Variants in DKKL1 observed in about 807,000 individuals in gnomAD.
DKKL1 encodes dickkopf like acrosomal protein 1, also known as dickkopf-like protein 1.
In DKKL1, 11 loss-of-function variants were observed where a neutral mutation model predicts 16.5. The ratio of observed to expected loss-of-function variants is 0.67; its 90% CI spans 0.42 to 1.10. The LOEUF (loss-of-function observed/expected upper bound fraction) is 1.10. Ranked by LOEUF, DKKL1 falls within the 50% of genes least tolerant of loss-of-function variation. The pLI, the probability that DKKL1 is intolerant of heterozygous loss-of-function variation, is 0.00. For synonymous variants in DKKL1, 119 were observed against 133.2 expected, an observed-to-expected ratio of 0.89 and a Z score of 0.73; for missense variants, 320 against 308.1, an observed-to-expected ratio of 1.04 and a Z score of -0.29.
rs1973676221 is a variant in DKKL1 at position 49,375,069 on chromosome 19, A to G, written c.*41A>G. ...AGCACCTGCCTGTAGCCCCCATCAG[A>G]CCCTGCCCCAAGCACCATATGGAAA... On this transcript the variant is annotated 3_prime_UTR_variant, in exon 5 of 5. Transcript: ENST00000221498. 2 of 1,541,250 alleles carry G rather than the reference A, an allele frequency of 1.3e-6. No homozygotes were observed. Among genetic ancestry groups the G allele is most frequent in the Non-Finnish European group, 1.7e-6 (2 of 1,145,462 alleles).
Position 49,374,832 on chromosome 19 carries a change from G to T in DKKL1, c.533G>T (p.Arg178Met). The part of the protein sequence containing the change: ...AFWIIKLPRR[R>M]SHQDALEGGH... ...TGGATCATTAAGCTGCCACGGCGGA[G>T]GTCCCACCAGGATGCCCTGGAGGGC... Residue 178 changes from arginine (R) to methionine (M), a missense_variant, in exon 5 of 5, where the codon AGG becomes ATG. By Grantham distance (91) the Arg-to-Met change is moderately conservative. Coordinates refer to ENST00000221498, the MANE Select transcript of DKKL1 (RefSeq NM_014419.4). The T allele has an allele frequency of 6.2e-7, 1 of 1,613,738 alleles. No individual in the cohort carries two copies. The highest frequency in any genetic ancestry group is 8.5e-7 in the Non-Finnish European group (1 of 1,179,846).
At position 49,374,325 on chromosome 19, in the gene DKKL1, C is replaced by T. The variant is rs530286395; in HGVS notation, c.418-392C>T. ...GATTCAGGATCAATGAAGGATCACA[C>T]ATTGCATTTATGGTCATGAGTCTTC... On this transcript the variant is annotated intron_variant, in intron 4 of 4. Transcript: ENST00000221498. 2.0e-5 allele frequency among the ~76,000 whole-genome samples: 3 copies of T among 152,282 alleles called. No individual in the cohort carries two copies. The South Asian group carries it at 6.2e-4, about 32-fold the overall frequency.
At chr19:49,373,923 AACAG>A (rs1973615125) in intron 4 of DKKL1, among the ~76,000 whole-genome samples, 3 of 145,384 alleles carry the variant, frequency 2.1e-5, no homozygotes, top group South Asian at 4.2e-4. Flanking sequence ...GCAAGGACCA[AACAG>A]ACACTCAGTC....
At chr19:49,372,767 C>G (rs1290819690) in intron 4 of DKKL1, among the ~76,000 whole-genome samples, 1 of 151,456 alleles carries the variant, frequency 6.6e-6, no homozygotes, top group African/African-American at 2.4e-5. Flanking sequence ...TTTGGGAGGC[C>G]GAGGCGGGCA....
At chr19:49,374,129 C>T (rs932190427) in intron 4 of DKKL1, among the ~76,000 whole-genome samples, 1 of 152,032 alleles carries the variant, frequency 6.6e-6, no homozygotes, top group Non-Finnish European at 1.5e-5. Flanking sequence ...GGACTACAGG[C>T]GCCCGCAACC....
At chr19:49,365,288 G>A (rs1009127145) in intron 2 of DKKL1, among the ~76,000 whole-genome samples, 1 of 152,174 alleles carries the variant, frequency 6.6e-6, no homozygotes, top group African/African-American at 2.4e-5. Context: ...GATGGGGACA[G>A]AAGAGGAACA....
chr19:49,367,161 G>A (rs899051143), intron 4 of DKKL1, among the ~76,000 whole-genome samples: 4 of 151,724 alleles, frequency 2.6e-5, no homozygotes, highest in Admixed American at 2.6e-4. Context: ...CAAGTAGATG[G>A]GACTACAAGT....
upstream of DKKL1, among the ~76,000 whole-genome samples, chr19:49,361,155 CG>C (rs1555786509): frequency 0.048 from 2,190 of 45,682 alleles, 24 homozygotes; most frequent in Middle Eastern, 0.083. Context: ...GGACAGAGAC[CG>C]GGGGGGGGGG....
At chr19:49,374,615 G>A (rs1390268498) in intron 4 of DKKL1, 102 bp from the exon 5 acceptor site, 2 of 1,118,636 alleles carry the variant, frequency 1.8e-6, no homozygotes, top group Non-Finnish European at 2.5e-6. Flanking sequence ...AACCCACAAA[G>A]CATCCTGTCA....
chr19:49,361,952 A>G (rs1279869286), upstream of DKKL1: 2 of 152,540 alleles, frequency 1.3e-5, no homozygotes, highest in African/African-American at 4.8e-5. Flanking sequence ...CTAAACCTCC[A>G]AAGAGGCAAG....
At chr19:49,368,584 T>C (rs1439642583) in intron 4 of DKKL1, 2 of 152,210 alleles carry the variant, frequency 1.3e-5, no homozygotes, top group Non-Finnish European at 2.9e-5. Flanking sequence ...AGTCTCCCTC[T>C]GTCACCCAGA....
Position 49,365,871 on chromosome 19 carries a change from G to C in DKKL1, c.403G>C (p.Glu135Gln). Residue 135 changes from glutamate (E) to glutamine (Q), a missense_variant, in exon 4 of 5, where the codon GAG becomes CAG. Physicochemically the swap from Glu to Gln is conservative, Grantham distance 29. Transcript: ENST00000221498. ...CATTCAACCAGCGGAGGGGAGCTTC[G>C]AGGGTGATTTGAAGGTTAGGACGTG... ...ASIQPAEGSF[E>Q]GDLKVPRMEE... is the part of the protein sequence containing the mutation. 3 of 1,614,056 alleles carry C rather than the reference G, an allele frequency of 1.9e-6. No individual in the cohort carries two copies. The highest frequency in any genetic ancestry group is 2.5e-6 in the Non-Finnish European group (3 of 1,179,988).
intron 4 of DKKL1, chr19:49,369,546 A>AGAAGGG (rs1973392212): frequency 6.6e-6 from 1 of 152,020 alleles, no homozygotes; most frequent in Non-Finnish European, 1.5e-5. Flanking sequence ...GAGAACCAGG[A>AGAAGGG]GAAGGGGAAG....
intron 4 of DKKL1, among the ~76,000 whole-genome samples, chr19:49,373,701 C>T (rs1475075602): frequency 6.6e-6 from 1 of 151,988 alleles, no homozygotes; most frequent in African/African-American, 2.4e-5. Flanking sequence ...AACTCCTGAC[C>T]TCAAGTGATC....
chr19:49,374,743 C>T lies in DKKL1; in HGVS notation c.444C>T (p.Ala148=). ...LKVPRMEEKE[A]LVPIQKATDS... ...TACCCAGGATGGAGGAGAAGGAGGC[C>T]CTGGTACCCATCCAGAAGGCCACGG... Residue 148 remains alanine (A), a synonymous_variant, in exon 5 of 5, where the codon GCC becomes GCT. Coordinates refer to ENST00000221498, the MANE Select transcript of DKKL1 (RefSeq NM_014419.4). 1 of 1,558,494 alleles carries T rather than the reference C, an allele frequency of 6.4e-7. No homozygotes were observed. The highest frequency in any genetic ancestry group is 8.7e-7 in the Non-Finnish European group (1 of 1,150,528).
chr19:49,364,263 A>G (rs950910144), intron 1 of DKKL1, among the ~76,000 whole-genome samples: 4 of 151,064 alleles, frequency 2.6e-5, no homozygotes, highest in Non-Finnish European at 5.9e-5. Context: ...AGGTGGGAGA[A>G]TCACCTGAGC....
upstream of DKKL1, chr19:49,363,820 T>G: frequency 1.2e-6 from 1 of 863,658 alleles, no homozygotes. Flanking sequence ...GTTTGGAGCG[T>G]GGTCAGACAA....
At position 49,364,714 on chromosome 19, in the gene DKKL1, T is replaced by G; in HGVS notation, c.143T>G (p.Leu48Arg). 6.2e-7 allele frequency: 1 copy of G among 1,613,962 alleles called. No individual in the cohort carries two copies. Reference protein sequence around the residue: ...AQESSLGLTGLQSLLQGFSRL... With the variant: ...AQESSLGLTGRQSLLQGFSRL... ...GAGAGCTCCTTGGGTCTCACAGGCC[T>G]CCAGAGCCTACTCCAAGGCTTCAGC... is the stretch of plus-strand genomic sequence containing the variant. Residue 48 changes from leucine to arginine, a missense_variant, in exon 2 of 5, where the codon CTC becomes CGC. Leu to Arg is a moderately radical substitution (Grantham distance 102). Coordinates refer to ENST00000221498, the MANE Select transcript of DKKL1 (RefSeq NM_014419.4).
In DKKL1 at chr19:49,363,983, G is replaced by A; in HGVS notation, c.-16G>A. 1 of 1,613,212 alleles carries A rather than the reference G, an allele frequency of 6.2e-7. No individual in the cohort carries two copies. The highest frequency in any genetic ancestry group is 8.5e-7 in the Non-Finnish European group (1 of 1,179,640). On this transcript the variant is annotated 5_prime_UTR_variant, in exon 1 of 5. Coordinates refer to ENST00000221498, the MANE Select transcript of DKKL1 (RefSeq NM_014419.4). ...TGGTCTAGCATAAAGGCGGAGCCCA[G>A]AAGAAGGGGCGGGGTATGGGAGAAG... is the stretch of plus-strand genomic sequence containing the variant.
Sources: allele counts gnomAD v4.1 joint callset (sites outside exome capture counted in the v4.1 genomes callset), GRCh38; gene constraint gnomAD v4.1.1; transcripts MANE v1.5; gene names NCBI Gene and HGNC (gene_info 2026-07-23, HGNC 2026-07-21).